Variants in YWHAG observed in about 807,000 individuals in gnomAD.
The protein encoded by YWHAG is 14-3-3 protein gamma.
Under a neutral mutation model 23.3 loss-of-function variants are expected in YWHAG, and 1 was observed. The ratio of observed to expected loss-of-function variants is 0.04; its 90% CI spans 0.02 to 0.20. The LOEUF is 0.20. Ranked by LOEUF, YWHAG falls within the 10% of genes least tolerant of loss-of-function variation. YWHAG has a pLI of 1.00. For synonymous variants in YWHAG, 160 were observed against 144.0 expected (o/e 1.11, Z -0.80); for missense variants, 151 against 338.6 (o/e 0.45, Z 4.35).
intron 1 of YWHAG, among the ~76,000 whole-genome samples, chr7:76,349,436 C>G (rs1803839840): frequency 7.9e-6 from 1 of 125,862 alleles, no homozygotes. Flanking sequence ...CACACACACA[C>G]ACACACAGAC....
chr7:76,354,691 C>T (rs1250557962), intron 1 of YWHAG, among the ~76,000 whole-genome samples: 2 of 152,158 alleles, frequency 1.3e-5, no homozygotes, highest in Non-Finnish European at 2.9e-5. Context: ...GCTGCAGGAG[C>T]TCCCCAGTCT....
Position 76,329,491 on chromosome 7 carries a change from C to CA in YWHAG, c.*85_*86insT. 5 of 981,316 alleles carry CA rather than the reference C, an allele frequency of 5.1e-6. No homozygotes were observed. The highest frequency in any genetic ancestry group is 5.7e-6 in the Non-Finnish European group (4 of 704,818). 60.8% of individuals were successfully genotyped at this position (981,316 alleles called of 1,614,324 possible). On this transcript the variant is annotated 3_prime_UTR_variant, in exon 2 of 2. Transcript: ENST00000307630. The surrounding 1 kb of genome is among the most constrained non-coding windows in gnomAD (Gnocchi z 6.1). ...CCTGGGAAGGTCATCCCTCCCTTTC[C>CA]CTCCCCCACCCGACCCCCAACTCAT... is the stretch of plus-strand genomic sequence containing the variant.
At chr7:76,336,372 G>GT (rs1303336640) in intron 1 of YWHAG, among the ~76,000 whole-genome samples, 2 of 151,766 alleles carry the variant, frequency 1.3e-5, no homozygotes, top group African/African-American at 2.4e-5. Flanking sequence ...GAAGAAGGCT[G>GT]TGCTTGTGTG....
Position 76,358,732 on chromosome 7 carries a change from G to A in YWHAG, c.77C>T (p.Ala26Val). The A allele has an allele frequency of 6.3e-7, 1 of 1,591,368 alleles. No individual in the cohort carries two copies. Among genetic ancestry groups the A allele is most frequent in the Non-Finnish European group, 8.5e-7 (1 of 1,170,376 alleles). The change falls in exon 1 of 2, where the codon GCC (alanine) becomes GTC (valine). Residue 26 changes from alanine (A) to valine (V), a missense_variant. Physicochemically the swap from Ala to Val is moderately conservative, Grantham distance 64 (BLOSUM62 0). Transcript: ENST00000307630. ...GGAGGAGACACTCACGTTCTTCATGGCCGCGGCCATGTCGTCGTAGCGCTC... is the reference window on the plus strand; with the variant it reads ...GGAGGAGACACTCACGTTCTTCATGACCGCGGCCATGTCGTCGTAGCGCTC... ...QAERYDDMAA[A>V]MKNVTELNEP...
At chr7:76,351,680 C>T (rs932275166) in intron 1 of YWHAG, among the ~76,000 whole-genome samples, 1 of 152,208 alleles carries the variant, frequency 6.6e-6, no homozygotes, top group African/African-American at 2.4e-5. Context: ...CTGCATGGTC[C>T]TTATGAGAAT....
rs1374377988 is a variant in YWHAG at position 76,351,604 on chromosome 7, G to T, written c.87+7118C>A. ...CTGAGCTCCGCCTCCTGTCAGATCA[G>T]CGGTGGCATTAGATTCTCAAAGGAG... On this transcript the variant is annotated intron_variant, in intron 1 of 1. Transcript: ENST00000307630. Among the ~76,000 whole-genome samples the T allele has an allele frequency of 3.3e-5, 5 of 152,266 alleles. No individual in the cohort carries two copies. The East Asian group carries it at 7.7e-4, about 24-fold the overall frequency.
At chr7:76,341,223 T>C (rs1268693021) in intron 1 of YWHAG, among the ~76,000 whole-genome samples, 1 of 151,684 alleles carries the variant, frequency 6.6e-6, no homozygotes, top group Non-Finnish European at 1.5e-5. Context: ...TGAAACCCCA[T>C]CTCTAACTAA....
chr7:76,344,869 T>C (rs1803753146), intron 1 of YWHAG, among the ~76,000 whole-genome samples: 1 of 152,240 alleles, frequency 6.6e-6, no homozygotes, highest in Non-Finnish European at 1.5e-5. Flanking sequence ...TCTTGAATAC[T>C]GTCCTTTCTC....
chr7:76,333,928 CA>C (rs1285531349), intron 1 of YWHAG, among the ~76,000 whole-genome samples: 3 of 152,246 alleles, frequency 2.0e-5, no homozygotes, highest in African/African-American at 7.2e-5. Context: ...CCTCCTGCCA[CA>C]AATGAAGTCT....
rs1803496653 is a variant in YWHAG, at chr7:76,328,863, A to G, written c.*714T>C. The G allele has an allele frequency of 8.4e-6, 1 of 119,444 alleles. No homozygotes were observed. The highest frequency in any genetic ancestry group is 1.8e-5 in the Non-Finnish European group (1 of 56,016). 7.4% of individuals were successfully genotyped at this position (119,444 alleles called of 1,614,324 possible). A position where few individuals can be genotyped will look rare whatever the true frequency, so the allele number is the denominator to read the frequency against. On this transcript the variant is annotated 3_prime_UTR_variant, in exon 2 of 2. Transcript: ENST00000307630. ...CTTTCATTCTCATTTAGCCTAGGAGACCGATCAACAGCAAAACCAACCTGG... is the reference window on the plus strand; with the variant it reads ...CTTTCATTCTCATTTAGCCTAGGAGGCCGATCAACAGCAAAACCAACCTGG...
rs1007846597 is a variant in YWHAG at position 76,354,815 on chromosome 7, T to C, written c.87+3907A>G. Among the ~76,000 whole-genome samples the C allele has an allele frequency of 3.9e-5, 6 of 152,216 alleles. No individual in the cohort carries two copies. In the East Asian group the frequency reaches 5.8e-4, roughly 15 times the overall value. On this transcript the variant is annotated intron_variant, in intron 1 of 1. Coordinates refer to ENST00000307630, the MANE Select transcript of YWHAG (RefSeq NM_012479.4). Reference sequence around the variant, plus strand: ...CACTAGAACACCAGCAAAATTTCCATAATCCCCAAAGAGTTAACGATTTGC... The same window carrying C: ...CACTAGAACACCAGCAAAATTTCCACAATCCCCAAAGAGTTAACGATTTGC...
Position 76,358,901 on chromosome 7 carries a change from G to C in YWHAG, c.-93C>G. The stretch of plus-strand genomic sequence containing the variant: ...GCGACTGGAGCCCAAGTGCCGGAGA[G>C]GACCGACCCACAGAGCGAGCAGCTG... On this transcript the variant is annotated 5_prime_UTR_variant, in exon 1 of 2. Transcript: ENST00000307630. The C allele has an allele frequency of 1.6e-6, 2 of 1,244,380 alleles. No individual in the cohort carries two copies. The highest frequency in any genetic ancestry group is 1.1e-6 in the Non-Finnish European group (1 of 917,142). 77.1% of individuals were successfully genotyped at this position (1,244,380 alleles called of 1,614,324 possible).
rs991876153 is a variant in YWHAG, at chr7:76,331,850, AT to A, written c.88-1618del. Among the ~76,000 whole-genome samples the A allele has an allele frequency of 1.5e-4, 23 of 151,664 alleles. 1 individual carries two copies. The highest frequency in any genetic ancestry group is 7.7e-4 in the East Asian group (4 of 5,172). On this transcript the variant is annotated intron_variant, in intron 1 of 1. Coordinates refer to ENST00000307630, the MANE Select transcript of YWHAG (RefSeq NM_012479.4). ...AAGGCCCCATCTCAAAAAAAAAAAA[AT>A]TTTTTTTCTTAAATTATAAACGGGG...
rs1027216602 is a variant in YWHAG at position 76,329,392 on chromosome 7, T to C, written c.*185A>G. The C allele has an allele frequency of 5.1e-5, 36 of 707,818 alleles. No homozygotes were observed. The highest frequency in any genetic ancestry group is 7.1e-5 in the Non-Finnish European group (31 of 438,750). 43.8% of individuals were successfully genotyped at this position (707,818 alleles called of 1,614,324 possible). The stretch of plus-strand genomic sequence containing the variant: ...TATTCCAATACCAGCACAGCTAGCC[T>C]GACTTTCCACTAGTGGTATTTTGGC... On this transcript the variant is annotated 3_prime_UTR_variant, in exon 2 of 2. Transcript: ENST00000307630. The surrounding 1 kb of genome is among the most constrained non-coding windows in gnomAD (Gnocchi z 6.1).
At chr7:76,330,291 G>A (rs1454427734) in intron 1 of YWHAG, 58 bp from the exon 2 acceptor site, 26 of 1,528,350 alleles carry the variant, frequency 1.7e-5, no homozygotes, top group Non-Finnish European at 2.2e-5. Context: ...TGGGTTAACT[G>A]TATCTTTGAG....
At chr7:76,353,202 T>G (rs1477242538) in intron 1 of YWHAG, among the ~76,000 whole-genome samples, 2 of 152,138 alleles carry the variant, frequency 1.3e-5, no homozygotes, top group African/African-American at 4.8e-5. Context: ...AATTAAAGCT[T>G]TCTTTTGGGA....
At chr7:76,338,737 A>T (rs371188430) in intron 1 of YWHAG, among the ~76,000 whole-genome samples, 1 of 152,236 alleles carries the variant, frequency 6.6e-6, no homozygotes, top group African/African-American at 2.4e-5. Flanking sequence ...AAACAATAGG[A>T]AAAATGCTCA....
At chr7:76,343,646 C>A (rs925073749) in intron 1 of YWHAG, among the ~76,000 whole-genome samples, 1 of 152,206 alleles carries the variant, frequency 6.6e-6, no homozygotes, top group Non-Finnish European at 1.5e-5. Flanking sequence ...TCCAGCCACT[C>A]TCATCAAGAG....
At chr7:76,352,309 C>G (rs1475296153) in intron 1 of YWHAG, among the ~76,000 whole-genome samples, 3 of 152,302 alleles carry the variant, frequency 2.0e-5, no homozygotes, top group South Asian at 4.1e-4. Flanking sequence ...GCCTTCCCCT[C>G]GCTCCCTTAG....
Sources: gnomAD v4.1 joint callset for allele counts (sites outside exome capture counted in the v4.1 genomes callset) on GRCh38, gnomAD v4.1.1 for gene constraint, Gnocchi (gnomAD v3.1) non-coding constraint, MANE v1.5 for transcripts, NCBI Gene and HGNC (gene_info 2026-07-23, HGNC 2026-07-21) for gene names.